Variants in TENM4 observed in about 807,000 individuals in gnomAD.
The protein encoded by TENM4 is teneurin transmembrane protein 4.
A neutral mutation model predicts 243.3 loss-of-function variants in TENM4; 82 were observed. The observed-to-expected ratio is 0.34, with a 90% confidence interval of 0.28 to 0.40. The LOEUF is 0.40. Among genes scored for constraint, TENM4 ranks in the 10% least tolerant of loss-of-function variants. The pLI is 1.00. For missense variants in TENM4, 3,138 were observed against 3,673.3 expected, an observed-to-expected ratio of 0.85 and a Z score of 3.77; for synonymous variants, 1,412 against 1,456.3, an observed-to-expected ratio of 0.97 and a Z score of 0.69.
intron 28 of TENM4, among the ~76,000 whole-genome samples, chr11:78,694,630 C>T (rs1858911054): frequency 6.6e-6 from 1 of 152,136 alleles, no homozygotes. Context: ...GTCACACAGC[C>T]AGTCAGTCTC....
intron 6 of TENM4, among the ~76,000 whole-genome samples, chr11:78,961,405 T>C (rs1411949007): frequency 2.6e-5 from 4 of 152,162 alleles, no homozygotes; most frequent in Non-Finnish European, 5.9e-5. Flanking sequence ...GGCTCAAGTC[T>C]AACAGCACCT....
At chr11:79,420,432 T>C (rs961458313) in intron 1 of TENM4, among the ~76,000 whole-genome samples, 5 of 152,136 alleles carry the variant, frequency 3.3e-5, no homozygotes, top group Admixed American at 2.0e-4. Context: ...GATTCAGAAA[T>C]CCACAAAGTT....
chr11:79,089,110 C>G (rs1565198980), intron 4 of TENM4, among the ~76,000 whole-genome samples: 1 of 152,198 alleles, frequency 6.6e-6, no homozygotes, highest in Non-Finnish European at 1.5e-5. Flanking sequence ...GAGAGCAATC[C>G]TTGAAACAAT....
intron 4 of TENM4, among the ~76,000 whole-genome samples, chr11:79,123,925 G>C (rs1861803709): frequency 6.6e-6 from 1 of 152,172 alleles, no homozygotes; most frequent in Non-Finnish European, 1.5e-5. Flanking sequence ...TCAGTGTACA[G>C]GGCTTCTCAG....
At chr11:79,120,570 AG>A (rs1861722031) in intron 4 of TENM4, among the ~76,000 whole-genome samples, 7 of 152,244 alleles carry the variant, frequency 4.6e-5, no homozygotes, top group Admixed American at 4.6e-4. Flanking sequence ...TCTATAACTG[AG>A]TCCATGTCTT....
At chr11:78,974,558 G>A (rs1857608996) in intron 6 of TENM4, among the ~76,000 whole-genome samples, 1 of 152,082 alleles carries the variant, frequency 6.6e-6, no homozygotes, top group Admixed American at 6.5e-5. Flanking sequence ...CTCAGGATGT[G>A]GTCCTACCTT....
intron 2 of TENM4, among the ~76,000 whole-genome samples, chr11:79,255,225 A>C (rs74429583): frequency 0.012 from 1,804 of 152,358 alleles, 32 homozygotes; most frequent in African/African-American, 0.041. Context: ...ACTAAGCTGC[A>C]GAGTACAGGT....
At chr11:78,851,990 C>T (rs1279819904) in intron 12 of TENM4, among the ~76,000 whole-genome samples, 1 of 152,184 alleles carries the variant, frequency 6.6e-6, no homozygotes, top group Non-Finnish European at 1.5e-5. Flanking sequence ...AGGGAGGAAA[C>T]CAACAGCACC....
chr11:78,909,405 A>G (rs1856132438), intron 6 of TENM4, among the ~76,000 whole-genome samples: 1 of 152,204 alleles, frequency 6.6e-6, no homozygotes, highest in African/African-American at 2.4e-5. Context: ...TGACACATAA[A>G]GGCTAAGCAA....
chr11:78,673,118 T>C (rs1858376627), intron 30 of TENM4, among the ~76,000 whole-genome samples: 1 of 152,002 alleles, frequency 6.6e-6, no homozygotes, highest in African/African-American at 2.4e-5. Flanking sequence ...TTGTATAAAC[T>C]CCACCTGGAC....
intron 3 of TENM4, among the ~76,000 whole-genome samples, chr11:79,208,128 T>G (rs1207126152): frequency 6.6e-6 from 1 of 151,912 alleles, no homozygotes; most frequent in Admixed American, 6.6e-5. Context: ...CTATCAGGAG[T>G]CTCTCAGAGC....
At chr11:79,356,605 T>C (rs1857500615) in intron 1 of TENM4, among the ~76,000 whole-genome samples, 1 of 152,194 alleles carries the variant, frequency 6.6e-6, no homozygotes, top group Non-Finnish European at 1.5e-5. Flanking sequence ...AGCCCTGTAA[T>C]ATCTATCTAG....
chr11:79,389,319 C>T (rs1277932354), intron 1 of TENM4, among the ~76,000 whole-genome samples: 1 of 152,168 alleles, frequency 6.6e-6, no homozygotes, highest in African/African-American at 2.4e-5. Context: ...CCACGCTTGA[C>T]TAATTTTTAA....
intron 4 of TENM4, among the ~76,000 whole-genome samples, chr11:79,098,940 G>T (rs1434972150): frequency 6.6e-6 from 1 of 152,226 alleles, no homozygotes; most frequent in Admixed American, 6.5e-5. Context: ...AGTAGGGATA[G>T]AAAGGTCTCC....
intron 3 of TENM4, among the ~76,000 whole-genome samples, chr11:79,181,334 G>T (rs1402351889): frequency 6.6e-6 from 1 of 151,980 alleles, no homozygotes; most frequent in Non-Finnish European, 1.5e-5. Context: ...GGCTAAAAAA[G>T]AAAAACCAAA....
chr11:78,879,424 C>T (rs1228188856), intron 9 of TENM4, among the ~76,000 whole-genome samples: 19 of 150,536 alleles, frequency 1.3e-4, no homozygotes, highest in South Asian at 2.1e-4. Flanking sequence ...CTCTGCCCGG[C>T]CGCCCCGTCT....
At chr11:79,358,520 C>G (rs1857534809) in intron 1 of TENM4, among the ~76,000 whole-genome samples, 1 of 152,188 alleles carries the variant, frequency 6.6e-6, no homozygotes, top group Non-Finnish European at 1.5e-5. Flanking sequence ...ATAGCGTGAT[C>G]ACAGAGTACC....
intron 1 of TENM4, among the ~76,000 whole-genome samples, chr11:79,434,130 G>A (rs920113337): frequency 2.0e-5 from 3 of 152,168 alleles, no homozygotes; most frequent in East Asian, 1.9e-4. Flanking sequence ...AAGGGGTAAC[G>A]GCAAAAGCAC....
At chr11:79,079,803 G>A (rs1197296971) in intron 4 of TENM4, among the ~76,000 whole-genome samples, 1 of 143,724 alleles carries the variant, frequency 7.0e-6, no homozygotes, top group Non-Finnish European at 1.5e-5. Context: ...CTGCACTCCA[G>A]TCTGAGCAAC....
Sources: gnomAD v4.1 joint callset for allele counts (sites outside exome capture counted in the v4.1 genomes callset) on GRCh38, gnomAD v4.1.1 for gene constraint, MANE v1.5 for transcripts, NCBI Gene and HGNC (gene_info 2026-07-23, HGNC 2026-07-21) for gene names.